The following ROBO2 variants were observed in gnomAD, a reference collection of about 807,000 sequenced individuals.
The protein encoded by ROBO2 is roundabout guidance receptor 2.
In ROBO2, 53 loss-of-function variants were observed where a neutral mutation model predicts 160.8. The ratio of observed to expected loss-of-function variants is 0.33; its 90% CI spans 0.26 to 0.41. The LOEUF (loss-of-function observed/expected upper bound fraction) is 0.41, where lower values mean the gene tolerates loss of function less well. ROBO2 is among the 10% of genes least tolerant of loss of function. The probability of loss-of-function intolerance (pLI) is 1.00; values close to 1 mark genes in which losing one functional copy is unlikely to be tolerated. For synonymous variants in ROBO2, 664 were observed against 611.7 expected (o/e 1.09, Z -1.26); for missense variants, 1,577 against 1,722.4 (o/e 0.92, Z 1.49).
chr3:76,624,564 C>G lies in ROBO2; in HGVS notation c.110-473450C>G, dbSNP rs141463749. On this transcript the variant is annotated intron_variant, in intron 2 of 26. Transcript: ENST00000487694. ...CTGTAATCCCAGAACTTTGGAAAGC[C>G]GAGGCGGGCGGATCGCCTGAGGTTA... 3.3e-3 allele frequency among the ~76,000 whole-genome samples: 501 copies of G among 151,898 alleles called. 2 individuals are homozygous for G. The highest frequency in any genetic ancestry group is 0.012 in the African/African-American group (487 of 41,414).
chr3:76,115,264 A>G (rs964799221), intron 2 of ROBO2, among the ~76,000 whole-genome samples: 4 of 152,026 alleles, frequency 2.6e-5, no homozygotes, highest in East Asian at 1.9e-4. Flanking sequence ...TTGCATCACC[A>G]TAGGCACCAA....
chr3:76,223,505 A>C (rs937145925), intron 2 of ROBO2, among the ~76,000 whole-genome samples: 4 of 152,066 alleles, frequency 2.6e-5, no homozygotes, highest in Non-Finnish European at 5.9e-5. Flanking sequence ...ACTCATCAGA[A>C]TTTAGGTGCT....
intron 2 of ROBO2, among the ~76,000 whole-genome samples, chr3:76,681,651 C>T (rs1249968650): frequency 6.6e-6 from 1 of 152,110 alleles, no homozygotes; most frequent in African/African-American, 2.4e-5. Context: ...GAGAAATTGA[C>T]TTGTGCAAAG....
chr3:76,071,958 A>G (rs2068472907), intron 2 of ROBO2, among the ~76,000 whole-genome samples: 1 of 152,106 alleles, frequency 6.6e-6, no homozygotes, highest in South Asian at 2.1e-4. Context: ...ACACACTTCA[A>G]TACCAAAAAA....
At chr3:76,924,979 C>T (rs1157911823) in intron 2 of ROBO2, among the ~76,000 whole-genome samples, 1 of 152,014 alleles carries the variant, frequency 6.6e-6, no homozygotes, top group African/African-American at 2.4e-5. Flanking sequence ...GAGGCCGAGG[C>T]GGGCGGATCA....
chr3:77,350,062 A>G (rs1340305484), intron 2 of ROBO2, among the ~76,000 whole-genome samples: 5 of 130,186 alleles, frequency 3.8e-5, no homozygotes, highest in African/African-American at 1.4e-4. Context: ...CGATTGGTAC[A>G]TTAAAAAAAA....
intron 2 of ROBO2, among the ~76,000 whole-genome samples, chr3:77,254,661 G>T (rs2090740991): frequency 6.6e-6 from 1 of 152,022 alleles, no homozygotes; most frequent in Admixed American, 6.6e-5. Context: ...ATAATCTTTA[G>T]TTTGTTGTCA....
exon 26 of ROBO2, chr3:77,648,154 T>C (rs1559803110): frequency 6.6e-6 from 1 of 152,328 alleles, no homozygotes; most frequent in East Asian, 1.9e-4. Flanking sequence ...AAAGAGTGAA[T>C]ACATACTTAT....
chr3:77,643,766 T>A (rs1381987943), intron 24 of ROBO2, among the ~76,000 whole-genome samples: 1 of 152,172 alleles, frequency 6.6e-6, no homozygotes, highest in African/African-American at 2.4e-5. Flanking sequence ...ATAACTACAT[T>A]TTGTCACAAC....
At chr3:77,574,787 GT>G in intron 14 of ROBO2, 57 bp downstream of exon 15, 1 of 1,234,822 alleles carries the variant, frequency 8.1e-7, no homozygotes. Context: ...TTCTGTTACA[GT>G]ACCTATTTGT....
At chr3:77,506,862 C>T (rs907209795) in intron 5 of ROBO2, among the ~76,000 whole-genome samples, 9 of 151,488 alleles carry the variant, frequency 5.9e-5, no homozygotes, top group Non-Finnish European at 1.0e-4. Context: ...TTTTTGTTGC[C>T]TGAGATATGA....
intron 2 of ROBO2, among the ~76,000 whole-genome samples, chr3:76,530,126 C>G (rs768115128): frequency 2.0e-5 from 3 of 152,186 alleles, no homozygotes; most frequent in Admixed American, 6.5e-5. Flanking sequence ...CAGGCCTGCA[C>G]CTGCATGTCT....
chr3:75,928,895 T>C (rs2106912791), intron 1 of ROBO2, among the ~76,000 whole-genome samples: 1 of 143,816 alleles, frequency 7.0e-6, no homozygotes, highest in Middle Eastern at 3.8e-3. Context: ...TGTGTGTGTG[T>C]GTGTGTGATA....
intron 2 of ROBO2, among the ~76,000 whole-genome samples, chr3:76,342,562 T>C (rs1374701955): frequency 6.6e-6 from 1 of 152,130 alleles, no homozygotes; most frequent in Non-Finnish European, 1.5e-5. Flanking sequence ...TAAGCAAATC[T>C]ACCTTTTGCT....
intron 2 of ROBO2, among the ~76,000 whole-genome samples, chr3:76,630,629 A>C (rs1195833427): frequency 6.6e-6 from 1 of 152,244 alleles, no homozygotes; most frequent in African/African-American, 2.4e-5. Flanking sequence ...GTGAAAACTT[A>C]CTGTATCATG....
At chr3:76,058,589 C>CTTTT (rs10676074) in intron 2 of ROBO2, among the ~76,000 whole-genome samples, 29 of 48,858 alleles carry the variant, frequency 5.9e-4, no homozygotes, top group South Asian at 1.4e-3. Flanking sequence ...ACAGCAGAAA[C>CTTTT]TTTTTTTTTT....
At chr3:75,931,161 A>G (rs1197436662) in intron 1 of ROBO2, among the ~76,000 whole-genome samples, 2 of 152,076 alleles carry the variant, frequency 1.3e-5, no homozygotes, top group Non-Finnish European at 2.9e-5. Flanking sequence ...ATTTCATCCA[A>G]TTCACAGGTT....
chr3:76,067,758 A>G (rs1236984442), intron 2 of ROBO2, among the ~76,000 whole-genome samples: 1 of 152,170 alleles, frequency 6.6e-6, no homozygotes, highest in Non-Finnish European at 1.5e-5. Flanking sequence ...CCTCTAGTGT[A>G]TGTGATTGCA....
intron 2 of ROBO2, among the ~76,000 whole-genome samples, chr3:76,054,252 G>T (rs1326089647): frequency 3.9e-5 from 6 of 152,068 alleles, no homozygotes; most frequent in Admixed American, 1.3e-4. Context: ...ACAATATTGT[G>T]TAATTTGTAT....
Sources: allele counts gnomAD v4.1 joint callset (sites outside exome capture counted in the v4.1 genomes callset), GRCh38; gene constraint gnomAD v4.1.1; transcripts MANE v1.5; gene names NCBI Gene and HGNC (gene_info 2026-07-23, HGNC 2026-07-21).